The following PCDHGB3 variants were observed in gnomAD, a reference collection of about 807,000 sequenced individuals.
The protein encoded by PCDHGB3 is protocadherin gamma-B3.
Under a neutral mutation model 59.2 loss-of-function variants are expected in PCDHGB3, and 40 were observed. The observed-to-expected ratio is 0.68, with a 90% confidence interval of 0.52 to 0.88. The LOEUF (loss-of-function observed/expected upper bound fraction) is 0.88, where lower values mean the gene tolerates loss of function less well. Among genes scored for constraint, PCDHGB3 ranks in the 40% least tolerant of loss-of-function variants. The pLI is 0.00. For synonymous variants in PCDHGB3, 581 were observed against 503.6 expected (o/e 1.15, Z -2.06); for missense variants, 1,309 against 1,187.9 (o/e 1.10, Z -1.50).
rs775153988 is a variant in PCDHGB3 at position 141,485,268 on chromosome 5, G to A, written c.2416-9539G>A. On this transcript the variant is annotated intron_variant, in intron 1 of 3. Coordinates refer to ENST00000576222, the MANE Select transcript of PCDHGB3 (RefSeq NM_018924.5). This position sits in a 1 kb window ranked among gnomAD's most constrained non-coding sequence, Gnocchi z 5.7. ...CTGGGTTACGTTTGTGGGCAGATCC[G>A]CTACCCGGTCCCAGAGGAGTCACAG... 6.2e-7 allele frequency: 1 copy of A among 1,614,100 alleles called. No homozygotes were observed. Among genetic ancestry groups the A allele is most frequent in the Non-Finnish European group, 8.5e-7 (1 of 1,179,936 alleles).
chr5:141,420,804 G>C (rs1283868316), intron 1 of PCDHGB3, among the ~76,000 whole-genome samples: 1 of 152,188 alleles, frequency 6.6e-6, no homozygotes, highest in Non-Finnish European at 1.5e-5. Context: ...TAAAAATTAA[G>C]CAAGCCCTTT....
chr5:141,413,863 G>T, intron 1 of PCDHGB3: 1 of 1,613,356 alleles, frequency 6.2e-7, no homozygotes, highest in Non-Finnish European at 8.5e-7. Flanking sequence ...ATCTGGCACT[G>T]TCCTTGTCAG....
chr5:141,404,004 C>G (rs1219625288), intron 1 of PCDHGB3: 33 of 1,613,842 alleles, frequency 2.0e-5, no homozygotes, highest in Non-Finnish European at 2.8e-5. Flanking sequence ...ACCATTACAT[C>G]TCTGTTTAGC....
At chr5:141,400,008 C>A (rs1395195387) in intron 1 of PCDHGB3, 1 of 1,612,692 alleles carries the variant, frequency 6.2e-7, no homozygotes, top group South Asian at 1.1e-5. Flanking sequence ...CAGCGCGTGC[C>A]TTGGGCGACA....
intron 1 of PCDHGB3, among the ~76,000 whole-genome samples, chr5:141,448,660 G>T (rs2098599264): frequency 6.6e-6 from 1 of 151,712 alleles, no homozygotes; most frequent in African/African-American, 2.4e-5. Context: ...TTCCATATTG[G>T]CCGGGCGCGG....
intron 3 of PCDHGB3, among the ~76,000 whole-genome samples, chr5:141,505,861 C>A (rs115699706): frequency 0.034 from 5,102 of 152,242 alleles, 131 homozygotes; most frequent in Admixed American, 0.057. Flanking sequence ...GGGACAGGGA[C>A]CCCAAAGGGT....
intron 1 of PCDHGB3, chr5:141,428,087 G>A (rs2097108117): frequency 6.2e-7 from 1 of 1,609,106 alleles, no homozygotes; most frequent in Non-Finnish European, 8.5e-7. Context: ...ACAACGCTTG[G>A]CTGTCCTACC....
At position 141,409,348 on chromosome 5, in the gene PCDHGB3, C is replaced by T. The variant is rs115471135; in HGVS notation, c.2415+36539C>T. The T allele has an allele frequency of 4.7e-4, 755 of 1,614,018 alleles. 4 individuals carry two copies. The African/African-American group carries it at 8.3e-3, about 18-fold the overall frequency. On this transcript the variant is annotated intron_variant, in intron 1 of 3. Coordinates refer to ENST00000576222, the MANE Select transcript of PCDHGB3 (RefSeq NM_018924.5). Reference sequence around the variant, plus strand: ...TGGATTTCGGAGGAAATGGAGAAGTCAGGTGTAATATAGAAACAGACATTC... The same window carrying T: ...TGGATTTCGGAGGAAATGGAGAAGTTAGGTGTAATATAGAAACAGACATTC...
At chr5:141,469,314 C>A (rs982242861) in intron 1 of PCDHGB3, among the ~76,000 whole-genome samples, 1 of 151,982 alleles carries the variant, frequency 6.6e-6, no homozygotes, top group Non-Finnish European at 1.5e-5. Flanking sequence ...CGATGGCTCA[C>A]GCCTGTAATC....
chr5:141,478,143 A>T (rs759384540), intron 1 of PCDHGB3: 1 of 1,614,014 alleles, frequency 6.2e-7, no homozygotes, highest in Non-Finnish European at 8.5e-7. Flanking sequence ...GCCCGAGCCG[A>T]GTTCCCCTCT....
chr5:141,441,887 A>G, intron 1 of PCDHGB3: 1 of 344,596 alleles, frequency 2.9e-6, no homozygotes, highest in African/African-American at 2.2e-5. Context: ...CTGGTCACCA[A>G]GGTGGTGGCT....
intron 1 of PCDHGB3, chr5:141,411,535 G>C (rs945278706): frequency 6.6e-6 from 1 of 152,274 alleles, no homozygotes; most frequent in Non-Finnish European, 1.5e-5. Context: ...AGTGAGCCCT[G>C]ATCTTGCCAC....
At chr5:141,419,385 C>T (rs753470433) in intron 1 of PCDHGB3, 6 of 1,613,686 alleles carry the variant, frequency 3.7e-6, no homozygotes, top group Admixed American at 1.7e-5. Context: ...TCCGTGAGCG[C>T]GCAGAGCGGG....
intron 1 of PCDHGB3, among the ~76,000 whole-genome samples, chr5:141,460,270 C>T (rs1223096441): frequency 6.6e-6 from 1 of 151,828 alleles, no homozygotes; most frequent in Non-Finnish European, 1.5e-5. Context: ...TTTATTTTTT[C>T]TTTTATAGTT....
intron 1 of PCDHGB3, chr5:141,409,924 C>A (rs760490649): frequency 6.2e-7 from 1 of 1,613,416 alleles, no homozygotes; most frequent in Admixed American, 1.7e-5. Flanking sequence ...GCTCCGCGTT[C>A]TTCGATATGG....
rs966009387 is a variant in PCDHGB3, at chr5:141,511,564, G to A, written c.*391G>A. The A allele has an allele frequency of 3.0e-5, 9 of 295,900 alleles. No individual in the cohort carries two copies. The highest frequency in any genetic ancestry group is 4.6e-5 in the Non-Finnish European group (7 of 151,798). The allele number at this position is 295,900 out of a possible 1,614,324, so 18.3% of individuals were successfully genotyped here. A position where few individuals can be genotyped will look rare whatever the true frequency, so the allele number is the denominator to read the frequency against. ...CCCACTCCAACAGTTCCTCTTTCCC[G>A]AGTAAGGTGGTTGGGGTGTTGAAGT... On this transcript the variant is annotated 3_prime_UTR_variant, in exon 4 of 4. Transcript: ENST00000576222.
At chr5:141,400,242 G>A (rs757952126) in intron 1 of PCDHGB3, 14 of 1,613,894 alleles carry the variant, frequency 8.7e-6, no homozygotes, top group Middle Eastern at 1.6e-4. Context: ...CCGTGATTCT[G>A]GCCGTTGCCT....
At chr5:141,397,756 A>AT (rs1283531463) in intron 1 of PCDHGB3, among the ~76,000 whole-genome samples, 1 of 152,210 alleles carries the variant, frequency 6.6e-6, no homozygotes, top group Admixed American at 6.5e-5. Context: ...AGTTGTTATA[A>AT]TTTTTTATTA....
intron 1 of PCDHGB3, chr5:141,478,259 T>G: frequency 6.2e-7 from 1 of 1,614,182 alleles, no homozygotes. Context: ...AGTAATCATA[T>G]TCAAAGTTTA....
Sources: allele counts gnomAD v4.1 joint callset (sites outside exome capture counted in the v4.1 genomes callset), GRCh38; gene constraint gnomAD v4.1.1; non-coding constraint Gnocchi (gnomAD v3.1); transcripts MANE v1.5; gene names NCBI Gene and HGNC (gene_info 2026-07-23, HGNC 2026-07-21).